The following HIVEP1 variants were observed in gnomAD, a reference collection of about 807,000 sequenced individuals.
HIVEP1 encodes zinc finger protein 40.
In HIVEP1, 36 loss-of-function variants were observed where a neutral mutation model predicts 180.0. The observed-to-expected ratio is 0.20, with a 90% CI of 0.15 to 0.26. HIVEP1 has a LOEUF of 0.26. Among genes scored for constraint, HIVEP1 ranks in the 10% least tolerant of loss-of-function variants. HIVEP1 has a pLI of 1.00. For missense variants in HIVEP1, 3,143 were observed against 3,268.7 expected (o/e 0.96, Z 0.94); for synonymous variants, 1,239 against 1,239.0 (o/e 1.00, Z 0.00).
chr6:12,157,913 CAG>C (rs1760156977), intron 7 of HIVEP1, among the ~76,000 whole-genome samples: 1 of 152,104 alleles, frequency 6.6e-6, no homozygotes, highest in African/African-American at 2.4e-5. Context: ...CTGGATTTAA[CAG>C]TTTTCTTGAT....
chr6:12,032,773 A>T (rs968146384), intron 2 of HIVEP1, among the ~76,000 whole-genome samples: 2 of 152,138 alleles, frequency 1.3e-5, no homozygotes, highest in African/African-American at 4.8e-5. Flanking sequence ...CACCAGATTT[A>T]TCTTCTTGCT....
chr6:12,068,733 C>T (rs540179598), intron 2 of HIVEP1, among the ~76,000 whole-genome samples: 1 of 152,206 alleles, frequency 6.6e-6, no homozygotes, highest in Non-Finnish European at 1.5e-5. Context: ...TTGAGACACC[C>T]AAGTTTGTTT....
At chr6:12,118,180 G>T (rs1775340109) in intron 3 of HIVEP1, among the ~76,000 whole-genome samples, 1 of 149,230 alleles carries the variant, frequency 6.7e-6, no homozygotes, top group African/African-American at 2.5e-5. Context: ...TATCTTTAAT[G>T]GAATAGTATG....
chr6:12,108,829 G>A (rs1007473850), intron 3 of HIVEP1, among the ~76,000 whole-genome samples: 5 of 152,228 alleles, frequency 3.3e-5, no homozygotes, highest in Admixed American at 3.3e-4. Flanking sequence ...GCCCAGAAAG[G>A]GGCTCCCACA....
At position 12,122,093 on chromosome 6, in the gene HIVEP1, T is replaced by C. The variant is rs1238511569; in HGVS notation, c.2298T>C (p.Ser766=). Residue 766 remains serine (S), a synonymous_variant, in exon 4 of 9, where the codon AGT becomes AGC. Coordinates refer to ENST00000379388, the MANE Select transcript of HIVEP1 (RefSeq NM_002114.4). The stretch of plus-strand genomic sequence containing the variant: ...TGGTAGATGACAAGCAACTGGATAG[T>C]GTGAAGCCGCGGAGAACCTCACTGT... The part of the protein sequence containing the change: ...EALVDDKQLD[S]VKPRRTSLSR... 4 of 1,614,074 alleles carry C rather than the reference T, an allele frequency of 2.5e-6. No individual in the cohort carries two copies. Among genetic ancestry groups the C allele is most frequent in the Non-Finnish European group, 8.5e-7 (1 of 1,180,016 alleles).
At chr6:12,186,131 TA>T in the HIVEP1 span, among the ~76,000 whole-genome samples, 1 of 151,916 alleles carries the variant, frequency 6.6e-6, no homozygotes, top group Non-Finnish European at 1.5e-5. Context: ...CAAAAGCAAG[TA>T]AAAATCTAAA....
chr6:12,187,475 C>A, the HIVEP1 span, among the ~76,000 whole-genome samples: 1 of 152,144 alleles, frequency 6.6e-6, no homozygotes, highest in Admixed American at 6.5e-5. Flanking sequence ...TATCTCTGCA[C>A]ATACCAGCTC....
intron 2 of HIVEP1, among the ~76,000 whole-genome samples, chr6:12,036,058 T>C (rs1769259208): frequency 1.3e-5 from 2 of 152,234 alleles, no homozygotes; most frequent in Admixed American, 6.5e-5. Flanking sequence ...ATTTGCTATT[T>C]TAAAGAAATG....
In HIVEP1 at chr6:12,125,687, C is replaced by G. The variant is rs1758023609; in HGVS notation, c.5892C>G (p.Ala1964=). 2 of 1,614,056 alleles carry G rather than the reference C, an allele frequency of 1.2e-6. No individual in the cohort carries two copies. Among genetic ancestry groups the G allele is most frequent in the Non-Finnish European group, 1.7e-6 (2 of 1,180,036 alleles). ...CTCAGAAGGACCAGAAAACTTCAGC[C>G]TATACTGATTGGACAGTAAGCGCCA... ...HLPQKDQKTS[A]YTDWTVSASN... The change falls in exon 4 of 9, where the codon GCC becomes GCG. Residue 1964 remains alanine, a synonymous_variant. Coordinates refer to ENST00000379388, the MANE Select transcript of HIVEP1 (RefSeq NM_002114.4).
intron 7 of HIVEP1, among the ~76,000 whole-genome samples, chr6:12,142,758 CTA>C (rs775162595): frequency 5.3e-5 from 8 of 152,210 alleles, no homozygotes; most frequent in Non-Finnish European, 1.0e-4. Flanking sequence ...ATAAACACCT[CTA>C]TGCAAATAAA....
intron 7 of HIVEP1, among the ~76,000 whole-genome samples, chr6:12,159,002 A>G (rs1760230810): frequency 6.6e-6 from 1 of 151,452 alleles, no homozygotes; most frequent in South Asian, 2.1e-4. Context: ...CAGAGGTTTC[A>G]CACAATCTTG....
intron 3 of HIVEP1, among the ~76,000 whole-genome samples, chr6:12,108,573 G>A (rs1168992986): frequency 6.6e-6 from 1 of 152,256 alleles, no homozygotes; most frequent in African/African-American, 2.4e-5. Flanking sequence ...ATCGAGCGCA[G>A]CGCTGGTGGG....
chr6:12,012,181 C>T (rs1485255073), upstream of HIVEP1: 1 of 140,836 alleles, frequency 7.1e-6, no homozygotes, highest in Non-Finnish European at 1.6e-5. Flanking sequence ...CATGCCGTGG[C>T]TCCGGGCGCC....
Position 12,012,556 on chromosome 6 carries a change from C to T in HIVEP1, c.-114C>T, listed in dbSNP as rs1767418023. ...CAGCGGCAGCGGCTCCGCCGGGCGT[C>T]CTGGCAGCAGGTTCGGCGCGGGCTC... On this transcript the variant is annotated 5_prime_UTR_variant, in exon 1 of 9. Coordinates refer to ENST00000379388, the MANE Select transcript of HIVEP1 (RefSeq NM_002114.4). 1 of 149,212 alleles carries T rather than the reference C, an allele frequency of 6.7e-6. No homozygotes were observed. 9.2% of individuals were successfully genotyped at this position (149,212 alleles called of 1,614,324 possible).
chr6:12,143,258 C>G lies in HIVEP1; in HGVS notation c.6487+7366C>G, dbSNP rs369650866. Reference sequence around the variant, plus strand: ...ATGCAAATCAATAAACATAATCCATCACATAAACAGAACCAATGACAAAAA... The same window carrying G: ...ATGCAAATCAATAAACATAATCCATGACATAAACAGAACCAATGACAAAAA... On this transcript the variant is annotated intron_variant, in intron 7 of 8. Transcript: ENST00000379388. 2.6e-5 allele frequency among the ~76,000 whole-genome samples: 4 copies of G among 152,302 alleles called. No individual in the cohort carries two copies. The South Asian group carries it at 8.3e-4, about 32-fold the overall frequency.
the HIVEP1 span, among the ~76,000 whole-genome samples, chr6:12,206,008 C>T: frequency 1.2e-3 from 181 of 152,288 alleles, no homozygotes; most frequent in Non-Finnish European, 2.2e-3. Context: ...TCCTAATACC[C>T]GGTACCTCAA....
chr6:12,008,734 C>T (rs1767128954), upstream of HIVEP1: 1 of 152,214 alleles, frequency 6.6e-6, no homozygotes, highest in Non-Finnish European at 1.5e-5. Context: ...CACAGGCAGC[C>T]CGGGGAATGA....
Position 12,164,589 on chromosome 6 carries a change from T to G in HIVEP1, c.*128T>G, listed in dbSNP as rs1760636489. On this transcript the variant is annotated 3_prime_UTR_variant, in exon 9 of 9. Coordinates refer to ENST00000379388, the MANE Select transcript of HIVEP1 (RefSeq NM_002114.4). ...TAATCTTTGTGCAATCATGAACTTT[T>G]GACCAATAATTGTTGTTTTGTGTCA... The G allele has an allele frequency of 9.2e-6, 7 of 757,608 alleles. No individual in the cohort carries two copies. Among genetic ancestry groups the G allele is most frequent in the Non-Finnish European group, 1.4e-5 (7 of 486,204 alleles). The allele number at this position is 757,608 out of a possible 1,614,324, so 46.9% of individuals were successfully genotyped here. A position where few individuals can be genotyped will look rare whatever the true frequency, so the allele number is the denominator to read the frequency against.
At chr6:12,088,603 G>A (rs1773256846) in intron 2 of HIVEP1, among the ~76,000 whole-genome samples, 1 of 152,124 alleles carries the variant, frequency 6.6e-6, no homozygotes, top group South Asian at 2.1e-4. Flanking sequence ...CTGTGCACAT[G>A]TGTAGCAGTT....
Sources: gnomAD v4.1 joint callset for allele counts (sites outside exome capture counted in the v4.1 genomes callset) on GRCh38, gnomAD v4.1.1 for gene constraint, MANE v1.5 for transcripts, NCBI Gene and HGNC (gene_info 2026-07-23, HGNC 2026-07-21) for gene names.